Variants in LHPP observed in about 807,000 individuals in gnomAD.
The protein encoded by LHPP is phospholysine phosphohistidine inorganic pyrophosphate phosphatase.
In LHPP, 24 loss-of-function variants were observed where a neutral mutation model predicts 30.3. That is an observed-to-expected ratio of 0.79 (90% CI 0.57 to 1.11). The LOEUF (loss-of-function observed/expected upper bound fraction) is 1.11. LHPP is among the 50% of genes most tolerant of loss of function. The pLI, the probability that LHPP is intolerant of heterozygous loss-of-function variation, is 0.00. For synonymous variants in LHPP, 150 were observed against 157.1 expected (o/e 0.95, Z 0.34); for missense variants, 356 against 367.2 (o/e 0.97, Z 0.25).
chr10:124,481,373 C>CT (rs34839158), intron 1 of LHPP, among the ~76,000 whole-genome samples: 1,542 of 85,030 alleles, frequency 0.018, 44 homozygotes, highest in African/African-American at 0.045. Flanking sequence ...TATCTGCCCC[C>CT]TTTTTTTTTT....
rs4962657 is a variant in LHPP at position 124,576,684 on chromosome 10, G to A, written c.717-36580G>A. 1 allele frequency among the ~76,000 whole-genome samples: 151,505 copies of A among 152,214 alleles called. 75,404 individuals are homozygous for A. The highest frequency in any genetic ancestry group is 1 in the East Asian group (5,160 of 5,160). The stretch of plus-strand genomic sequence containing the variant: ...CACACACAAAACTCCTTCCCTGAGC[G>A]AGGGATAGGCAGAGCTGAGGGCGGG... On this transcript the variant is annotated intron_variant, in intron 6 of 6. Transcript: ENST00000368842. The surrounding 1 kb of genome is among the most constrained non-coding windows in gnomAD (Gnocchi z 4.2).
At chr10:124,522,732 C>CCG (rs1954640645) in intron 6 of LHPP, among the ~76,000 whole-genome samples, 1 of 150,950 alleles carries the variant, frequency 6.6e-6, no homozygotes, top group Non-Finnish European at 1.5e-5. Context: ...CGCCCCCCCC[C>CCG]AAGCACTGTC....
intron 6 of LHPP, among the ~76,000 whole-genome samples, chr10:124,572,695 A>AAGGAAGGGAGGGAGGGAGAAAGG (rs1441636674): frequency 7.1e-6 from 1 of 141,790 alleles, no homozygotes; most frequent in Admixed American, 7.2e-5. Context: ...GGGAGGGAGG[A>AAGGAAGGGAGGGAGGGAGAAAGG]AGGAAGGGAG....
Position 124,541,002 on chromosome 10 carries a change from C to T in LHPP, c.716+23731C>T, listed in dbSNP as rs865866118. ...AAGAAAATGTTTTAATGTTTTTTCTCACTTTAGAAATAATAATTCAAAAAT... is the reference window on the plus strand; with the variant it reads ...AAGAAAATGTTTTAATGTTTTTTCTTACTTTAGAAATAATAATTCAAAAAT... On this transcript the variant is annotated intron_variant, in intron 6 of 6. Transcript: ENST00000368842. The surrounding 1 kb of genome is among the most constrained non-coding windows in gnomAD (Gnocchi z 4.2). Among the ~76,000 whole-genome samples the T allele has an allele frequency of 6.6e-6, 1 of 152,192 alleles. No individual in the cohort carries two copies. Among genetic ancestry groups the T allele is most frequent in the South Asian group, 2.1e-4 (1 of 4,830 alleles).
chr10:124,578,507 C>T (rs17695753), intron 6 of LHPP, among the ~76,000 whole-genome samples: 10,006 of 152,294 alleles, frequency 0.066, 465 homozygotes, highest in Non-Finnish European at 0.091. Context: ...ACTGGCGGGA[C>T]GCAAACGGTT....
At chr10:124,571,065 C>T (rs1032382840) in intron 6 of LHPP, among the ~76,000 whole-genome samples, 1 of 152,210 alleles carries the variant, frequency 6.6e-6, no homozygotes, top group Non-Finnish European at 1.5e-5. Context: ...TGCACACGCT[C>T]TCTTCTCTTG....
In LHPP at chr10:124,496,176, A is replaced by AC. The variant is rs1232903436; in HGVS notation, c.468-783dup. Among the ~76,000 whole-genome samples the AC allele has an allele frequency of 2.0e-5, 3 of 152,162 alleles. No homozygotes were observed. The highest frequency in any genetic ancestry group is 7.2e-5 in the African/African-American group (3 of 41,426). The stretch of plus-strand genomic sequence containing the variant: ...GCGTCTTCAGAGCAGCGCAGGTTAA[A>AC]CCACTTTCTCGCCTCATTGTAGTCA... On this transcript the variant is annotated intron_variant, in intron 3 of 6. Coordinates refer to ENST00000368842, the MANE Select transcript of LHPP (RefSeq NM_022126.4). This position sits in a 1 kb window ranked among gnomAD's most constrained non-coding sequence, Gnocchi z 4.3.
intron 4 of LHPP, among the ~76,000 whole-genome samples, chr10:124,497,653 G>A (rs1953765956): frequency 6.6e-6 from 1 of 152,240 alleles, no homozygotes; most frequent in African/African-American, 2.4e-5. Context: ...ACGAGCAGAT[G>A]GAGCCCTGTG....
At chr10:124,584,987 A>C (rs1264889560) in intron 6 of LHPP, among the ~76,000 whole-genome samples, 1 of 152,148 alleles carries the variant, frequency 6.6e-6, no homozygotes, top group Non-Finnish European at 1.5e-5. Flanking sequence ...CCCTCAGGCT[A>C]TGTGTCTAAG....
chr10:124,504,046 G>T (rs1388317931), intron 5 of LHPP, among the ~76,000 whole-genome samples: 1 of 151,926 alleles, frequency 6.6e-6, no homozygotes, highest in Non-Finnish European at 1.5e-5. Context: ...ACAAAAATTA[G>T]CCGGGCCTGG....
chr10:124,598,202 A>G (rs879471559), intron 6 of LHPP, among the ~76,000 whole-genome samples: 50 of 152,240 alleles, frequency 3.3e-4, no homozygotes, highest in Non-Finnish European at 5.7e-4. Context: ...ACTCTCAATG[A>G]TTGGCACTGC....
At chr10:124,528,373 T>G in intron 6 of LHPP, among the ~76,000 whole-genome samples, 1 of 151,978 alleles carries the variant, frequency 6.6e-6, no homozygotes, top group East Asian at 1.9e-4. Flanking sequence ...TTTTATTTTT[T>G]TTTGAAACGG....
intron 5 of LHPP, among the ~76,000 whole-genome samples, chr10:124,516,331 G>C (rs1159337970): frequency 1.3e-5 from 2 of 152,196 alleles, no homozygotes; most frequent in Non-Finnish European, 2.9e-5. Context: ...AGTCCCATCA[G>C]ATCAGGGCCC....
chr10:124,605,719 C>A (rs1949083105), intron 6 of LHPP, among the ~76,000 whole-genome samples: 1 of 152,034 alleles, frequency 6.6e-6, no homozygotes, highest in Non-Finnish European at 1.5e-5. Context: ...AGGAGCCAGG[C>A]TATGATGTGG....
At chr10:124,607,116 G>T (rs1436873888) in intron 6 of LHPP, among the ~76,000 whole-genome samples, 1 of 152,180 alleles carries the variant, frequency 6.6e-6, no homozygotes, top group Non-Finnish European at 1.5e-5. Flanking sequence ...AGGATGGTCT[G>T]CGGCCCCTCC....
intron 1 of LHPP, among the ~76,000 whole-genome samples, chr10:124,470,137 G>A (rs543762771): frequency 3.2e-4 from 49 of 152,286 alleles, no homozygotes; most frequent in African/African-American, 1.0e-3. Context: ...TGGGTTCCCC[G>A]AGGGGAGCCA....
chr10:124,463,678 A>C (rs1952469454), intron 1 of LHPP, among the ~76,000 whole-genome samples: 2 of 91,112 alleles, frequency 2.2e-5, no homozygotes, highest in African/African-American at 5.9e-5. Context: ...TTTTCTTTGT[A>C]TAATTTTTTT....
chr10:124,475,674 A>C (rs1952920946), intron 1 of LHPP, among the ~76,000 whole-genome samples: 1 of 152,232 alleles, frequency 6.6e-6, no homozygotes, highest in African/African-American at 2.4e-5. Flanking sequence ...ACAGTCATAC[A>C]GGGAGGAGGT....
At chr10:124,495,744 G>A (rs1219085178) in intron 3 of LHPP, among the ~76,000 whole-genome samples, 1 of 152,194 alleles carries the variant, frequency 6.6e-6, no homozygotes, top group African/African-American at 2.4e-5. Flanking sequence ...GTGTCAGCCT[G>A]GGTGAAAGGT....
Sources: allele counts gnomAD v4.1 joint callset (sites outside exome capture counted in the v4.1 genomes callset), GRCh38; gene constraint gnomAD v4.1.1; non-coding constraint Gnocchi (gnomAD v3.1); transcripts MANE v1.5; gene names NCBI Gene and HGNC (gene_info 2026-07-23, HGNC 2026-07-21).